Variants in NIPSNAP3B observed in about 807,000 individuals in gnomAD.
NIPSNAP3B encodes the protein nipsnap homolog 3B.
NIPSNAP3B carries 30 observed loss-of-function variants against 31.5 expected under a neutral mutation model. That is an observed-to-expected ratio of 0.95 (90% CI 0.71 to 1.29). The LOEUF is 1.29. NIPSNAP3B is among the 50% of genes most tolerant of loss of function. The probability of loss-of-function intolerance (pLI) is 0.00; values close to 1 mark genes in which losing one functional copy is unlikely to be tolerated. For synonymous variants in NIPSNAP3B, 106 were observed against 107.9 expected (o/e 0.98, Z 0.11); for missense variants, 269 against 300.7 (o/e 0.89, Z 0.78).
chr9:104,778,260 C>T (rs544717808), downstream of NIPSNAP3B, among the ~76,000 whole-genome samples: 61 of 151,866 alleles, frequency 4.0e-4, no homozygotes, highest in East Asian at 6.4e-3. Context: ...GATGGAGTTT[C>T]GCTCTTGTTG....
the NIPSNAP3B span, chr9:104,787,884 C>T: frequency 1.2e-6 from 2 of 1,613,902 alleles, no homozygotes; most frequent in Non-Finnish European, 1.7e-6. Context: ...TCCACTCAGG[C>T]CAGAACAACA....
In NIPSNAP3B at chr9:104,764,245, T is replaced by C. The variant is rs1250053849; in HGVS notation, c.5T>C (p.Leu2Pro). The C allele has an allele frequency of 6.2e-7, 1 of 1,602,044 alleles. No homozygotes were observed. ...TCTCAGTGCCGAAGCCGCGCCATGC[T>C]CGTTCTCAGAAGCGGCCTGACCAAG... M[L>P]VLRSGLTKAL... The change falls in exon 1 of 6, where the codon CTC becomes CCC. Residue 2 changes from leucine (L) to proline (P), a missense_variant. Transcript: ENST00000374762.
chr9:104,785,918 C>G, the NIPSNAP3B span, among the ~76,000 whole-genome samples: 2 of 152,218 alleles, frequency 1.3e-5, no homozygotes, highest in Admixed American at 1.3e-4. Context: ...GAGTTAGTCA[C>G]TTGCCCATGG....
rs975254947 is a variant in NIPSNAP3B, at chr9:104,774,409, A to G, written c.*1336A>G. Among the ~76,000 whole-genome samples, 10 of 152,254 alleles carry G rather than the reference A, an allele frequency of 6.6e-5. No homozygotes were observed. The highest frequency in any genetic ancestry group is 2.4e-4 in the African/African-American group (10 of 41,466). On this transcript the variant is annotated 3_prime_UTR_variant, in exon 6 of 6. Coordinates refer to ENST00000374762, the MANE Select transcript of NIPSNAP3B (RefSeq NM_018376.4). ...TTCCATGCAGAGTTCAAAGAGGCCTAAGACATCTCACATTTATGTGAAATA... is the reference window on the plus strand; with the variant it reads ...TTCCATGCAGAGTTCAAAGAGGCCTGAGACATCTCACATTTATGTGAAATA...
At chr9:104,789,888 G>A in the NIPSNAP3B span, among the ~76,000 whole-genome samples, 2 of 152,126 alleles carry the variant, frequency 1.3e-5, no homozygotes, top group Non-Finnish European at 2.9e-5. Context: ...GAGGTCAGGA[G>A]CTCGAGACCA....
In NIPSNAP3B at chr9:104,773,120, T is replaced by C. The variant is rs761195917; in HGVS notation, c.*47T>C. On this transcript the variant is annotated 3_prime_UTR_variant, in exon 6 of 6. Coordinates refer to ENST00000374762, the MANE Select transcript of NIPSNAP3B (RefSeq NM_018376.4). The stretch of plus-strand genomic sequence containing the variant: ...ATTTCATTAACTGCTCTAAGATGTG[T>C]CTGCTAATGGTGCTTAAATTCTCCC... 1 of 1,566,400 alleles carries C rather than the reference T, an allele frequency of 6.4e-7. No homozygotes were observed.
chr9:104,788,347 A>G, the NIPSNAP3B span: 1 of 1,597,246 alleles, frequency 6.3e-7, no homozygotes, highest in South Asian at 1.1e-5. Flanking sequence ...GCCTGAAGTC[A>G]ATGCGTGTGG....
In NIPSNAP3B at chr9:104,773,304, T is replaced by C; in HGVS notation, c.*231T>C. 2.1e-6 allele frequency: 1 copy of C among 471,844 alleles called. No homozygotes were observed. The highest frequency in any genetic ancestry group is 3.7e-6 in the Non-Finnish European group (1 of 267,168). 29.2% of individuals were successfully genotyped at this position (471,844 alleles called of 1,614,324 possible). ...AGTATCTGTTACACATTAGAAGTAGTTGTCACTATTTCATCATCTTGGTTT... is the reference window on the plus strand; with the variant it reads ...AGTATCTGTTACACATTAGAAGTAGCTGTCACTATTTCATCATCTTGGTTT... On this transcript the variant is annotated 3_prime_UTR_variant, in exon 6 of 6. Coordinates refer to ENST00000374762, the MANE Select transcript of NIPSNAP3B (RefSeq NM_018376.4).
chr9:104,770,729 G>A (rs1285635210), intron 3 of NIPSNAP3B, 120 bp from the exon 4 acceptor site: 11 of 743,938 alleles, frequency 1.5e-5, no homozygotes, highest in South Asian at 7.4e-5. Flanking sequence ...GACTGCATAT[G>A]TATGTATACA....
the NIPSNAP3B span, chr9:104,784,026 A>G: frequency 3.9e-5 from 14 of 358,660 alleles, no homozygotes; most frequent in Non-Finnish European, 5.6e-5. Context: ...GTTCAAACCC[A>G]TATGTCCATT....
the NIPSNAP3B span, chr9:104,788,021 C>T: frequency 1.3e-5 from 21 of 1,614,064 alleles, no homozygotes; most frequent in African/African-American, 2.7e-5. Context: ...CCATACTTCA[C>T]GAGGCCCAGT....
At chr9:104,783,696 G>C in the NIPSNAP3B span, 1 of 153,186 alleles carries the variant, frequency 6.5e-6, no homozygotes, top group African/African-American at 2.4e-5. Context: ...CAGGATGTTA[G>C]CCACGCATGG....
chr9:104,787,851 A>T, the NIPSNAP3B span: 8 of 1,613,666 alleles, frequency 5.0e-6, no homozygotes, highest in Admixed American at 1.3e-4. Context: ...CTGGACATAT[A>T]GGACTTTTGA....
chr9:104,771,051 T>C (rs534553996), intron 4 of NIPSNAP3B, 53 bp downstream of exon 4: 2 of 1,477,362 alleles, frequency 1.4e-6, no homozygotes, highest in Non-Finnish European at 1.8e-6. Flanking sequence ...GATCAGTTCG[T>C]CTCTCTTTTT....
At chr9:104,787,055 A>G in the NIPSNAP3B span, 50 of 1,279,788 alleles carry the variant, frequency 3.9e-5, no homozygotes, top group Non-Finnish European at 5.5e-5. Flanking sequence ...ATGCAGAAGC[A>G]TCTTTGAAAC....
the NIPSNAP3B span, chr9:104,787,084 C>A: frequency 3.5e-6 from 3 of 858,834 alleles, no homozygotes; most frequent in South Asian, 1.8e-5. Context: ...TTTTAACTTG[C>A]CATTCTAGTT....
chr9:104,783,742 C>T, the NIPSNAP3B span: 1 of 156,172 alleles, frequency 6.4e-6, no homozygotes, highest in East Asian at 1.9e-4. Flanking sequence ...TGTTGATAGA[C>T]TCTGAGCAGA....
In NIPSNAP3B at chr9:104,773,178, T is replaced by A; in HGVS notation, c.*105T>A. ...TCTCGCTTTTATTTGAAGGAGGTGG[T>A]AAGTTAATTAGTTAATTTGCTGTGC... On this transcript the variant is annotated 3_prime_UTR_variant, in exon 6 of 6. Transcript: ENST00000374762. 9.2e-7 allele frequency: 1 copy of A among 1,088,804 alleles called. No homozygotes were observed. Among genetic ancestry groups the A allele is most frequent in the South Asian group, 1.4e-5 (1 of 70,272 alleles). 67.4% of individuals were successfully genotyped at this position (1,088,804 alleles called of 1,614,324 possible).
At chr9:104,779,624 T>TGG (rs1564062869), downstream of NIPSNAP3B, among the ~76,000 whole-genome samples, 18 of 149,956 alleles carry the variant, frequency 1.2e-4, no homozygotes, top group African/African-American at 3.9e-4. Context: ...TAAGTGGGTT[T>TGG]TTTTTTTTTT....
Sources: gnomAD v4.1 joint callset for allele counts (sites outside exome capture counted in the v4.1 genomes callset) on GRCh38, gnomAD v4.1.1 for gene constraint, MANE v1.5 for transcripts, NCBI Gene and HGNC (gene_info 2026-07-23, HGNC 2026-07-21) for gene names.